The following ADCY3 variants were observed in gnomAD, a reference collection of about 807,000 sequenced individuals.
ADCY3 encodes the protein adenylate cyclase type 3.
ADCY3 carries 70 observed loss-of-function variants against 119.4 expected under a neutral mutation model. That is an observed-to-expected ratio of 0.59 (90% CI 0.48 to 0.72). The LOEUF is 0.72. Among genes scored for constraint, ADCY3 ranks in the 30% least tolerant of loss-of-function variants. The probability of loss-of-function intolerance (pLI) is 0.00; values close to 1 mark genes in which losing one functional copy is unlikely to be tolerated. For missense variants in ADCY3, 1,238 were observed against 1,541.6 expected, an observed-to-expected ratio of 0.80 and a Z score of 3.30; for synonymous variants, 672 against 621.4, an observed-to-expected ratio of 1.08 and a Z score of -1.21.
intron 20 of ADCY3, 120 bp from the exon 21 acceptor site, chr2:24,820,968 A>G (rs926191382): frequency 7.1e-7 from 1 of 1,415,306 alleles, no homozygotes; most frequent in African/African-American, 1.4e-5. Flanking sequence ...CATTGTCCTC[A>G]TTCAACTTGG....
At chr2:24,859,014 C>G (rs1458318351) in intron 3 of ADCY3, among the ~76,000 whole-genome samples, 3 of 152,232 alleles carry the variant, frequency 2.0e-5, no homozygotes, top group Non-Finnish European at 2.9e-5. Context: ...AGAGTTGGAA[C>G]CAACAGAAGG....
intron 3 of ADCY3, among the ~76,000 whole-genome samples, chr2:24,850,159 G>A (rs1335079853): frequency 6.6e-6 from 1 of 151,980 alleles, no homozygotes; most frequent in East Asian, 1.9e-4. Flanking sequence ...CCTGCCCAGG[G>A]GTGTCTGTTC....
chr2:24,911,595 A>T (rs1663654483), intron 2 of ADCY3, among the ~76,000 whole-genome samples: 1 of 145,788 alleles, frequency 6.9e-6, no homozygotes, highest in Non-Finnish European at 1.5e-5. Context: ...GGCTGCAGTG[A>T]GCCAAGATAG....
intron 3 of ADCY3, among the ~76,000 whole-genome samples, chr2:24,849,971 T>TA (rs2148646114): frequency 6.6e-6 from 1 of 152,278 alleles, no homozygotes; most frequent in South Asian, 2.1e-4. Flanking sequence ...CCTGTCTTTC[T>TA]AGTCCTGTCC....
At chr2:24,887,944 G>T (rs1245106809) in intron 2 of ADCY3, among the ~76,000 whole-genome samples, 1 of 152,136 alleles carries the variant, frequency 6.6e-6, no homozygotes, top group African/African-American at 2.4e-5. Flanking sequence ...GGTTACTCCT[G>T]AATTTATTCC....
chr2:24,845,829 C>T lies in ADCY3; in HGVS notation c.826-3445G>A, dbSNP rs562282312. On this transcript the variant is annotated intron_variant, in intron 3 of 21. Coordinates refer to ENST00000679454, the MANE Select transcript of ADCY3 (RefSeq NM_004036.5). ...AAGAGGAAAAAGTAGTTTCGTGGGC[C>T]AGGCCCAGGGTGCCCATGCTGTGTG... 6.6e-5 allele frequency among the ~76,000 whole-genome samples: 10 copies of T among 152,342 alleles called. No individual in the cohort carries two copies. The East Asian group carries it at 1.3e-3, about 21-fold the overall frequency.
chr2:24,840,436 G>A, intron 6 of ADCY3: 1 of 397,098 alleles, frequency 2.5e-6, no homozygotes, highest in Non-Finnish European at 5.2e-6. Context: ...TGACAGGGCA[G>A]GGAGAGAATG....
chr2:24,842,729 G>T lies in ADCY3; in HGVS notation c.826-345C>A, dbSNP rs1429247140. 1 of 300,654 alleles carries T rather than the reference G, an allele frequency of 3.3e-6. No individual in the cohort carries two copies. Among genetic ancestry groups the T allele is most frequent in the Non-Finnish European group, 6.5e-6 (1 of 153,784 alleles). The allele number at this position is 300,654 out of a possible 1,614,324, so 18.6% of individuals were successfully genotyped here. A position where few individuals can be genotyped will look rare whatever the true frequency, so the allele number is the denominator to read the frequency against. On this transcript the variant is annotated intron_variant, in intron 3 of 21. Transcript: ENST00000679454. The surrounding 1 kb of genome is among the most constrained non-coding windows in gnomAD (Gnocchi z 4.9). Reference sequence around the variant, plus strand: ...TGCACCGTGAGCCCTCCCGGCAGGAGCCCTGCGGGGTCACCTCAGCCACCC... The same window carrying T: ...TGCACCGTGAGCCCTCCCGGCAGGATCCCTGCGGGGTCACCTCAGCCACCC...
intron 18 of ADCY3, 35 bp from the exon 19 acceptor site, chr2:24,822,665 T>G (rs1460943470): frequency 6.2e-7 from 1 of 1,609,908 alleles, no homozygotes; most frequent in Admixed American, 1.7e-5. Flanking sequence ...TTGTCAGCAG[T>G]CAAGGGAGAG....
rs149286138 is a variant in ADCY3 at position 24,834,177 on chromosome 2, T to G, written c.1967+308A>C. ...AGTGTCCCCATCTTTGTCCCAAGAA[T>G]CAGTGTGGGCCCATCTAGCCAAGGT... On this transcript the variant is annotated intron_variant, in intron 11 of 21. Coordinates refer to ENST00000679454, the MANE Select transcript of ADCY3 (RefSeq NM_004036.5). The surrounding 1 kb of genome is among the most constrained non-coding windows in gnomAD (Gnocchi z 4.2). Among the ~76,000 whole-genome samples, 1 of 152,310 alleles carries G rather than the reference T, an allele frequency of 6.6e-6. No homozygotes were observed. Among genetic ancestry groups the G allele is most frequent in the Non-Finnish European group, 1.5e-5 (1 of 68,012 alleles).
rs1016657874 is a variant in ADCY3 at position 24,919,444 on chromosome 2, C to G, written c.-198+239G>C. ...CTGGTAACCGGTTTCTCTCTGTCAT[C>G]TCTTCTTTCTCAGTCCCCGACTTCC... On this transcript the variant is annotated intron_variant, in intron 1 of 21. Transcript: ENST00000679454. The surrounding 1 kb of genome is among the most constrained non-coding windows in gnomAD (Gnocchi z 5.5). 35 of 164,508 alleles carry G rather than the reference C, an allele frequency of 2.1e-4. No individual in the cohort carries two copies. Among genetic ancestry groups the G allele is most frequent in the Admixed American group, 5.3e-4 (9 of 17,104 alleles). 10.2% of individuals were successfully genotyped at this position (164,508 alleles called of 1,614,324 possible). A position where few individuals can be genotyped will look rare whatever the true frequency, so the allele number is the denominator to read the frequency against.
At chr2:24,826,332 C>CCCTGGCCCCT in intron 15 of ADCY3, 2 of 556,368 alleles carry the variant, frequency 3.6e-6, no homozygotes, top group African/African-American at 1.9e-5. Flanking sequence ...GCCAGGCAAC[C>CCCTGGCCCCT]CCTGGCCCCT....
chr2:24,836,351 G>A (rs917165126), intron 9 of ADCY3, among the ~76,000 whole-genome samples: 5 of 152,248 alleles, frequency 3.3e-5, no homozygotes, highest in South Asian at 4.1e-4. Context: ...CCCTCACGCG[G>A]TGAGCCCGAG....
intron 18 of ADCY3, 55 bp from the exon 19 acceptor site, chr2:24,822,685 A>G: frequency 6.3e-7 from 1 of 1,599,352 alleles, no homozygotes; most frequent in Non-Finnish European, 8.6e-7. Context: ...GGAATGACCC[A>G]ACCCAGTGAC....
chr2:24,918,496 C>T lies in ADCY3; in HGVS notation c.492G>A (p.Ala164=), dbSNP rs767984579. 6.2e-7 allele frequency: 1 copy of T among 1,613,774 alleles called. No individual in the cohort carries two copies. The highest frequency in any genetic ancestry group is 1.3e-5 in the African/African-American group (1 of 74,918). ...CCTGCCAGCCCACCGTGTCACTAGCCGCGTGGGCACGCGCGAAGTTCAGGC... is the reference window on the plus strand; with the variant it reads ...CCTGCCAGCCCACCGTGTCACTAGCTGCGTGGGCACGCGCGAAGTTCAGGC... The part of the protein sequence containing the change: ...YLGLNFARAH[A]ASDTVGWQVF... The change falls in exon 2 of 22, where the codon GCG becomes GCA. Residue 164 remains alanine, a synonymous_variant. Transcript: ENST00000679454. This position sits in a 1 kb window ranked among gnomAD's most constrained non-coding sequence, Gnocchi z 5.4.
intron 3 of ADCY3, among the ~76,000 whole-genome samples, chr2:24,871,134 AT>A (rs11433494): frequency 0.025 from 3,701 of 148,548 alleles, 71 homozygotes; most frequent in Non-Finnish European, 0.036. Flanking sequence ...TGACACATGC[AT>A]TTTTTTTTTT....
chr2:24,836,876 T>C, intron 9 of ADCY3, 41 bp downstream of exon 9: 4 of 1,568,612 alleles, frequency 2.6e-6, no homozygotes, highest in Non-Finnish European at 3.5e-6. Context: ...CCTGCCCGCA[T>C]CTGGCCCTCA....
At chr2:24,860,388 G>A (rs1399667491) in intron 3 of ADCY3, among the ~76,000 whole-genome samples, 6 of 152,236 alleles carry the variant, frequency 3.9e-5, no homozygotes, top group East Asian at 1.9e-4. Context: ...GCACCCTGGC[G>A]GCCCCGCACC....
In ADCY3 at chr2:24,824,513, A is replaced by G. The variant is rs1668312571; in HGVS notation, c.2601T>C (p.Leu867=). ...SRHVEKLART[L]FLWKIEVHDQ... ...CGTGGACCTCAATCTTCCACAAGAAAAGTGTCCGTGCCAGTTTTTCTACCT... is the reference window on the plus strand; with the variant it reads ...CGTGGACCTCAATCTTCCACAAGAAGAGTGTCCGTGCCAGTTTTTCTACCT... Residue 867 remains leucine (L), a synonymous_variant, in exon 17 of 22, where the codon CTT becomes CTC. Coordinates refer to ENST00000679454, the MANE Select transcript of ADCY3 (RefSeq NM_004036.5). The G allele has an allele frequency of 1.2e-6, 2 of 1,614,078 alleles. No individual in the cohort carries two copies. The highest frequency in any genetic ancestry group is 1.3e-5 in the African/African-American group (1 of 74,938).
Sources: gnomAD v4.1 joint callset for allele counts (sites outside exome capture counted in the v4.1 genomes callset) on GRCh38, gnomAD v4.1.1 for gene constraint, Gnocchi (gnomAD v3.1) non-coding constraint, MANE v1.5 for transcripts, NCBI Gene and HGNC (gene_info 2026-07-23, HGNC 2026-07-21) for gene names.